Variants in DLC1 observed in about 807,000 individuals in gnomAD.
DLC1 encodes the protein rho GTPase-activating protein 7.
DLC1 carries 54 observed loss-of-function variants against 140.3 expected under a neutral mutation model. The ratio of observed to expected loss-of-function variants is 0.38; its 90% CI spans 0.31 to 0.48. DLC1 has a LOEUF of 0.48. Ranked by LOEUF, DLC1 falls within the 20% of genes least tolerant of loss-of-function variation. The pLI is 0.96. For synonymous variants in DLC1, 986 were observed against 728.1 expected (o/e 1.35, Z -5.70); for missense variants, 2,536 against 1,907.0 (o/e 1.33, Z -6.14).
chr8:13,464,096 A>T (rs1353205370), intron 2 of DLC1, among the ~76,000 whole-genome samples: 3 of 152,198 alleles, frequency 2.0e-5, no homozygotes, highest in African/African-American at 7.2e-5. Flanking sequence ...GCCGGGGGAA[A>T]CCAGCAGGGT....
chr8:13,500,272 C>T (rs980981881), intron 1 of DLC1, 76 bp from the exon 2 acceptor site: 4 of 502,114 alleles, frequency 8.0e-6, no homozygotes, highest in Admixed American at 7.0e-5. Flanking sequence ...AAAGAGAAAA[C>T]TTAATCTATG....
At chr8:13,189,641 G>C (rs1463493243) in intron 5 of DLC1, among the ~76,000 whole-genome samples, 1 of 152,178 alleles carries the variant, frequency 6.6e-6, no homozygotes, top group South Asian at 2.1e-4. Flanking sequence ...CCAGCACTTT[G>C]GAAGGCTGAG....
At chr8:13,448,657 C>G (rs973317112) in intron 2 of DLC1, among the ~76,000 whole-genome samples, 1 of 152,142 alleles carries the variant, frequency 6.6e-6, no homozygotes, top group African/African-American at 2.4e-5. Flanking sequence ...CCGCACCCAG[C>G]CTCCTAAAAT....
intron 4 of DLC1, among the ~76,000 whole-genome samples, chr8:13,362,098 G>T (rs969594450): frequency 1.6e-4 from 25 of 152,254 alleles, no homozygotes; most frequent in African/African-American, 5.5e-4. Context: ...AAGGAGGAAA[G>T]TGGGAGCAGT....
At chr8:13,173,353 TC>T (rs1399775940) in intron 5 of DLC1, among the ~76,000 whole-genome samples, 2 of 151,100 alleles carry the variant, frequency 1.3e-5, no homozygotes, top group Admixed American at 6.6e-5. Context: ...AATGCTTCTT[TC>T]TTTGTTCTGC....
At chr8:13,415,004 T>G (rs1462809443) in intron 2 of DLC1, among the ~76,000 whole-genome samples, 2 of 152,046 alleles carry the variant, frequency 1.3e-5, no homozygotes, top group Admixed American at 1.3e-4. Context: ...AGTAGAGACA[T>G]GGTTTCACCA....
intron 5 of DLC1, among the ~76,000 whole-genome samples, chr8:13,200,503 T>G (rs1244725544): frequency 6.6e-6 from 1 of 152,216 alleles, no homozygotes; most frequent in Non-Finnish European, 1.5e-5. Flanking sequence ...ACATTCTTAA[T>G]AAAAGTAGAC....
At chr8:13,568,628 A>C (rs1804539944) in intron 1 of DLC1, among the ~76,000 whole-genome samples, 1 of 152,186 alleles carries the variant, frequency 6.6e-6, no homozygotes, top group Non-Finnish European at 1.5e-5. Context: ...CTCTTGAGAA[A>C]TGCCAATTAA....
At chr8:13,216,312 T>C (rs1034318631) in intron 5 of DLC1, among the ~76,000 whole-genome samples, 3 of 152,206 alleles carry the variant, frequency 2.0e-5, no homozygotes, top group Admixed American at 6.5e-5. Context: ...GAGGACTATA[T>C]TGAAGTTGAG....
chr8:13,496,550 A>C (rs931852427), intron 2 of DLC1, among the ~76,000 whole-genome samples: 2 of 150,776 alleles, frequency 1.3e-5, no homozygotes, highest in African/African-American at 4.9e-5. Flanking sequence ...AGAGAGGTTT[A>C]TATTACTATC....
intron 5 of DLC1, among the ~76,000 whole-genome samples, chr8:13,269,595 G>A (rs1430252294): frequency 6.6e-6 from 1 of 151,210 alleles, no homozygotes; most frequent in Non-Finnish European, 1.5e-5. Flanking sequence ...CCTGGCTGCT[G>A]AGGGGAGGCT....
At chr8:13,482,138 C>A (rs1011825586) in intron 2 of DLC1, among the ~76,000 whole-genome samples, 1 of 151,922 alleles carries the variant, frequency 6.6e-6, no homozygotes, top group Non-Finnish European at 1.5e-5. Context: ...TTAGGACAGC[C>A]CAAGAAAATG....
intron 1 of DLC1, among the ~76,000 whole-genome samples, chr8:13,512,435 T>C (rs6530639): frequency 0.079 from 11,961 of 152,174 alleles, 669 homozygotes; most frequent in East Asian, 0.17. Flanking sequence ...TGTTCAGACA[T>C]TTATTTATAT....
chr8:13,522,231 G>A (rs1585239433), intron 1 of DLC1, among the ~76,000 whole-genome samples: 1 of 152,106 alleles, frequency 6.6e-6, no homozygotes, highest in East Asian at 1.9e-4. Flanking sequence ...TTTTACAATG[G>A]AGAAGAAATC....
intron 2 of DLC1, among the ~76,000 whole-genome samples, chr8:13,415,631 C>T (rs1838020215): frequency 6.6e-6 from 1 of 152,036 alleles, no homozygotes; most frequent in African/African-American, 2.4e-5. Flanking sequence ...GATCACCTGA[C>T]CTCATGATCT....
rs562855552 is a variant in DLC1 at position 13,532,811 on chromosome 8, T to G, written c.-125-32615A>C. 3.3e-5 allele frequency among the ~76,000 whole-genome samples: 5 copies of G among 152,280 alleles called. No individual in the cohort carries two copies. In the South Asian group the frequency reaches 1.0e-3, roughly 32 times the overall value. On this transcript the variant is annotated intron_variant, in intron 1 of 1. Transcript: ENST00000631382. ...TTTGTGTAATACTTCTTATTATAAT[T>G]TCTCACCCTGTAGACCCTCATCCCC...
chr8:13,585,658 G>A (rs1180447516), intron 1 of DLC1, among the ~76,000 whole-genome samples: 4 of 152,168 alleles, frequency 2.6e-5, no homozygotes, highest in Non-Finnish European at 4.4e-5. Flanking sequence ...CTGTGAGGGA[G>A]AATCTGTTCC....
intron 1 of DLC1, among the ~76,000 whole-genome samples, chr8:13,506,673 A>G (rs1308344858): frequency 2.6e-5 from 4 of 151,408 alleles, no homozygotes; most frequent in African/African-American, 9.7e-5. Context: ...ATGTATGTAT[A>G]TAAATATACA....
chr8:13,143,443 G>C (rs908066834), intron 5 of DLC1, among the ~76,000 whole-genome samples: 2 of 152,100 alleles, frequency 1.3e-5, no homozygotes, highest in Non-Finnish European at 2.9e-5. Context: ...GGTTAGAAAA[G>C]GTCAGGTAAC....
Sources: gnomAD v4.1 joint callset for allele counts (sites outside exome capture counted in the v4.1 genomes callset) on GRCh38, gnomAD v4.1.1 for gene constraint, MANE v1.5 for transcripts, NCBI Gene and HGNC (gene_info 2026-07-23, HGNC 2026-07-21) for gene names.